The following NXPH1 variants were observed in gnomAD, a reference collection of about 807,000 sequenced individuals.
NXPH1 encodes the protein neurexophilin-1.
A neutral mutation model predicts 23.7 loss-of-function variants in NXPH1; 5 were observed. That is an observed-to-expected ratio of 0.21 (90% CI 0.11 to 0.44). The LOEUF is 0.44. Among genes scored for constraint, NXPH1 ranks in the 20% least tolerant of loss-of-function variants. The pLI, the probability that NXPH1 is intolerant of heterozygous loss-of-function variation, is 0.99. For synonymous variants in NXPH1, 144 were observed against 122.2 expected, an observed-to-expected ratio of 1.18 and a Z score of -1.18; for missense variants, 324 against 321.6, an observed-to-expected ratio of 1.01 and a Z score of -0.06.
At chr7:8,604,607 TTA>T (rs1378757149) in intron 2 of NXPH1, among the ~76,000 whole-genome samples, 2 of 152,110 alleles carry the variant, frequency 1.3e-5, no homozygotes, top group African/African-American at 2.4e-5. Context: ...AGCTTCATGG[TTA>T]TATGTTTTTC....
intron 2 of NXPH1, among the ~76,000 whole-genome samples, chr7:8,556,569 A>C (rs896856603): frequency 6.6e-6 from 1 of 151,746 alleles, no homozygotes; most frequent in South Asian, 2.1e-4. Flanking sequence ...GTAAAAACTA[A>C]CTGGCCAGTT....
chr7:8,485,440 A>G (rs1817143313), intron 2 of NXPH1, among the ~76,000 whole-genome samples: 2 of 152,280 alleles, frequency 1.3e-5, no homozygotes, highest in African/African-American at 4.8e-5. Flanking sequence ...AAACATGTCA[A>G]CACATCCTCC....
chr7:8,546,023 C>T (rs1818192446), intron 2 of NXPH1, among the ~76,000 whole-genome samples: 1 of 151,462 alleles, frequency 6.6e-6, no homozygotes. Flanking sequence ...AGCAAAAGGT[C>T]AGAACTCTTT....
At chr7:8,699,246 C>T (rs1039681748) in intron 2 of NXPH1, among the ~76,000 whole-genome samples, 1 of 152,102 alleles carries the variant, frequency 6.6e-6, no homozygotes, top group Non-Finnish European at 1.5e-5. Flanking sequence ...CTTCTCTTAT[C>T]ACAAACTTGC....
intron 2 of NXPH1, among the ~76,000 whole-genome samples, chr7:8,642,988 C>T (rs919832734): frequency 2.6e-5 from 4 of 152,058 alleles, no homozygotes; most frequent in Non-Finnish European, 5.9e-5. Flanking sequence ...CTTCAGCCTC[C>T]CAAGTAGCTG....
intron 2 of NXPH1, among the ~76,000 whole-genome samples, chr7:8,686,404 A>T (rs1240737836): frequency 6.6e-6 from 1 of 152,196 alleles, no homozygotes; most frequent in Non-Finnish European, 1.5e-5. Context: ...AAGCCTGTTT[A>T]GGCATAAACA....
Position 8,752,883 on chromosome 7 carries a change from G to A in NXPH1, c.*1114G>A, listed in dbSNP as rs1368648835. The A allele has an allele frequency of 6.6e-6, 1 of 152,486 alleles. No homozygotes were observed. The highest frequency in any genetic ancestry group is 6.6e-5 in the Admixed American group (1 of 15,254). 9.4% of individuals were successfully genotyped at this position (152,486 alleles called of 1,614,324 possible). On this transcript the variant is annotated 3_prime_UTR_variant, in exon 3 of 3. Transcript: ENST00000405863. ...AAAGCTATACATATACAACATTACA[G>A]TCTGTCTGTATTTAGATATTTTATT...
At chr7:8,590,032 G>A (rs1819060261) in intron 2 of NXPH1, among the ~76,000 whole-genome samples, 1 of 152,114 alleles carries the variant, frequency 6.6e-6, no homozygotes, top group Admixed American at 6.6e-5. Flanking sequence ...AGCTCTATTG[G>A]ATAGCACTGA....
intron 2 of NXPH1, among the ~76,000 whole-genome samples, chr7:8,580,602 A>C (rs2128623587): frequency 6.6e-6 from 1 of 152,264 alleles, no homozygotes; most frequent in African/African-American, 2.4e-5. Flanking sequence ...AAAAGATATC[A>C]GTCATAGTAC....
intron 2 of NXPH1, among the ~76,000 whole-genome samples, chr7:8,592,447 T>A (rs1819118590): frequency 6.6e-6 from 1 of 152,048 alleles, no homozygotes; most frequent in African/African-American, 2.4e-5. Context: ...TAGGGGTAAG[T>A]CATGCCTTTT....
chr7:8,524,235 C>T (rs1366436600), intron 2 of NXPH1, among the ~76,000 whole-genome samples: 2 of 87,754 alleles, frequency 2.3e-5, no homozygotes, highest in Non-Finnish European at 4.0e-5. Flanking sequence ...GAGTGAGACT[C>T]TGTCTCAAAA....
intron 2 of NXPH1, among the ~76,000 whole-genome samples, chr7:8,746,792 C>G (rs982557083): frequency 1.1e-4 from 17 of 151,904 alleles, no homozygotes; most frequent in African/African-American, 3.6e-4. Flanking sequence ...GAATTTATTT[C>G]AACCTGATTA....
intron 2 of NXPH1, among the ~76,000 whole-genome samples, chr7:8,588,736 C>G (rs1020077020): frequency 1.3e-5 from 2 of 152,066 alleles, no homozygotes; most frequent in African/African-American, 4.8e-5. Context: ...ATCTTGTGTT[C>G]TAAGATGAGG....
chr7:8,751,137 A>T lies in NXPH1; in HGVS notation c.184A>T (p.Thr62Ser), dbSNP rs1157505414. ...GTCTATCAGCCGACTCCTGTCACAG[A>T]CTTTTCGTGGCAAAGAGAATGATAC... ...DLSISRLLSQ[T>S]FRGKENDTDL... The change falls in exon 3 of 3, where the codon ACT becomes TCT. Residue 62 changes from threonine (T) to serine (S), a missense_variant. By Grantham distance (58) the Thr-to-Ser change is moderately conservative. Transcript: ENST00000405863. This position sits in a 1 kb window ranked among gnomAD's most constrained non-coding sequence, Gnocchi z 4.5. The T allele has an allele frequency of 1.9e-6, 3 of 1,613,834 alleles. No individual in the cohort carries two copies. In the East Asian group the frequency reaches 6.7e-5, roughly 36 times the overall value.
chr7:8,540,267 A>G (rs1002949640), intron 2 of NXPH1, among the ~76,000 whole-genome samples: 1 of 151,850 alleles, frequency 6.6e-6, no homozygotes, highest in Admixed American at 6.6e-5. Flanking sequence ...TCAGAATCTG[A>G]AAGAAGTAAT....
chr7:8,681,643 T>C (rs1821050764), intron 2 of NXPH1, among the ~76,000 whole-genome samples: 2 of 152,200 alleles, frequency 1.3e-5, no homozygotes, highest in African/African-American at 4.8e-5. Context: ...GTGTTAACAG[T>C]CATATCTAAA....
chr7:8,523,808 C>A (rs1817815596), intron 2 of NXPH1, among the ~76,000 whole-genome samples: 1 of 152,144 alleles, frequency 6.6e-6, no homozygotes, highest in African/African-American at 2.4e-5. Context: ...ACTCCTCACC[C>A]TTCATACATT....
intron 2 of NXPH1, among the ~76,000 whole-genome samples, chr7:8,438,836 T>C (rs984259676): frequency 5.3e-5 from 8 of 152,138 alleles, no homozygotes; most frequent in African/African-American, 1.7e-4. Context: ...GATTTTTGTG[T>C]TTTTTGAGAG....
chr7:8,601,230 C>T (rs550591606), intron 2 of NXPH1, among the ~76,000 whole-genome samples: 2 of 151,666 alleles, frequency 1.3e-5, no homozygotes, highest in African/African-American at 4.9e-5. Context: ...TATCATTTCT[C>T]TTTTCTGTTT....
Sources: gnomAD v4.1 joint callset for allele counts (sites outside exome capture counted in the v4.1 genomes callset) on GRCh38, gnomAD v4.1.1 for gene constraint, Gnocchi (gnomAD v3.1) non-coding constraint, MANE v1.5 for transcripts, NCBI Gene and HGNC (gene_info 2026-07-23, HGNC 2026-07-21) for gene names.